The following EXOC4 variants were observed in gnomAD, a reference collection of about 807,000 sequenced individuals.
EXOC4 encodes exocyst complex component 4, also known as SEC8-like 1.
Under a neutral mutation model 107.2 loss-of-function variants are expected in EXOC4, and 71 were observed. The observed-to-expected ratio is 0.66, with a 90% confidence interval of 0.55 to 0.81. The LOEUF (loss-of-function observed/expected upper bound fraction) is 0.81. Among genes scored for constraint, EXOC4 ranks in the 30% least tolerant of loss-of-function variants. The pLI is 0.00. For missense variants in EXOC4, 1,108 were observed against 1,189.6 expected (o/e 0.93, Z 1.01); for synonymous variants, 456 against 441.2 (o/e 1.03, Z -0.42).
At chr7:133,770,580 C>T (rs891872814) in intron 10 of EXOC4, among the ~76,000 whole-genome samples, 1 of 151,914 alleles carries the variant, frequency 6.6e-6, no homozygotes, top group Non-Finnish European at 1.5e-5. Context: ...GTAAGCCAGA[C>T]ATTGTATCAG....
At chr7:134,092,790 G>T in the EXOC4 span, among the ~76,000 whole-genome samples, 1 of 151,950 alleles carries the variant, frequency 6.6e-6, no homozygotes, top group East Asian at 1.9e-4. Flanking sequence ...AGGTGTGGTG[G>T]TACAAGCCTG....
intron 8 of EXOC4, among the ~76,000 whole-genome samples, chr7:133,475,794 T>C (rs1275971219): frequency 6.6e-6 from 1 of 152,150 alleles, no homozygotes; most frequent in Non-Finnish European, 1.5e-5. Flanking sequence ...AAATGAAATA[T>C]ATTAGCCTTG....
At chr7:133,832,020 T>C (rs1797821464) in intron 11 of EXOC4, among the ~76,000 whole-genome samples, 1 of 152,214 alleles carries the variant, frequency 6.6e-6, no homozygotes, top group Admixed American at 6.5e-5. Flanking sequence ...ACATGGAGTC[T>C]AGTATACATG....
chr7:133,397,209 A>G (rs1474015818), intron 7 of EXOC4, among the ~76,000 whole-genome samples: 1 of 150,458 alleles, frequency 6.6e-6, no homozygotes, highest in African/African-American at 2.5e-5. Context: ...GGCTCACCGC[A>G]ACTTCCACCT....
intron 14 of EXOC4, among the ~76,000 whole-genome samples, chr7:133,962,617 A>G (rs995620290): frequency 6.6e-6 from 1 of 152,194 alleles, no homozygotes; most frequent in African/African-American, 2.4e-5. Flanking sequence ...TTTATATACT[A>G]TCTAAATCTT....
chr7:133,491,616 A>T (rs1422826395), intron 9 of EXOC4, among the ~76,000 whole-genome samples: 1 of 152,170 alleles, frequency 6.6e-6, no homozygotes, highest in Non-Finnish European at 1.5e-5. Context: ...TACAGTCAAC[A>T]TTTCTAGGCC....
chr7:133,938,928 G>A (rs531788874), intron 14 of EXOC4, among the ~76,000 whole-genome samples: 13 of 152,132 alleles, frequency 8.5e-5, no homozygotes, highest in South Asian at 4.2e-4. Context: ...TCAGCCTCCC[G>A]AGTAGCTGGG....
intron 17 of EXOC4, among the ~76,000 whole-genome samples, chr7:134,063,934 A>C (rs1191556991): frequency 6.6e-6 from 1 of 152,208 alleles, no homozygotes; most frequent in Non-Finnish European, 1.5e-5. Flanking sequence ...GAATGAGACA[A>C]AACCTGTTAA....
At chr7:133,523,900 A>T (rs1800028786) in intron 9 of EXOC4, among the ~76,000 whole-genome samples, 2 of 151,840 alleles carry the variant, frequency 1.3e-5, no homozygotes. Flanking sequence ...GCCGCAATAA[A>T]CATACGTGTG....
At chr7:133,373,680 T>A (rs1315976931) in intron 6 of EXOC4, among the ~76,000 whole-genome samples, 1 of 152,226 alleles carries the variant, frequency 6.6e-6, no homozygotes, top group African/African-American at 2.4e-5. Context: ...CTTTCCAAGT[T>A]GGTTTATCAG....
chr7:133,621,137 C>G (rs1160732295), intron 9 of EXOC4, among the ~76,000 whole-genome samples: 1 of 152,236 alleles, frequency 6.6e-6, no homozygotes, highest in African/African-American at 2.4e-5. Context: ...ACACATTTTA[C>G]TGATGGCTCA....
chr7:133,993,283 A>G (rs913348515), intron 14 of EXOC4, among the ~76,000 whole-genome samples: 2 of 152,122 alleles, frequency 1.3e-5, no homozygotes, highest in African/African-American at 4.8e-5. Context: ...CTGTCAAATG[A>G]TGAGTTGTAG....
chr7:133,786,985 A>C lies in EXOC4; in HGVS notation c.1515-30340A>C, dbSNP rs114948470. Among the ~76,000 whole-genome samples, 881 of 152,360 alleles carry C rather than the reference A, an allele frequency of 5.8e-3. 9 individuals carry two copies. The highest frequency in any genetic ancestry group is 0.02 in the African/African-American group (842 of 41,578). On this transcript the variant is annotated intron_variant, in intron 10 of 17. Transcript: ENST00000253861. ...ACTTCAGTTATCAATATAAGATATA[A>C]ACAGAGAAGTAGTTGCAACTATTCT...
At chr7:133,692,402 T>A (rs1409914128) in intron 10 of EXOC4, among the ~76,000 whole-genome samples, 6 of 152,184 alleles carry the variant, frequency 3.9e-5, no homozygotes, top group Non-Finnish European at 8.8e-5. Flanking sequence ...ATTATTTGTG[T>A]CTCCCCTAAC....
intron 14 of EXOC4, among the ~76,000 whole-genome samples, chr7:133,943,651 T>C (rs573162156): frequency 6.6e-6 from 1 of 152,298 alleles, no homozygotes; most frequent in East Asian, 1.9e-4. Context: ...CCCGGCACCA[T>C]CAGGCTCAGG....
At chr7:133,691,410 A>G (rs140036392) in intron 10 of EXOC4, among the ~76,000 whole-genome samples, 4 of 152,344 alleles carry the variant, frequency 2.6e-5, no homozygotes, top group South Asian at 4.1e-4. Flanking sequence ...GATAGCTTCT[A>G]GAGATTCTCT....
intron 10 of EXOC4, among the ~76,000 whole-genome samples, chr7:133,633,190 T>C (rs1286474865): frequency 1.3e-5 from 2 of 152,140 alleles, no homozygotes; most frequent in African/African-American, 4.8e-5. Flanking sequence ...CATGGATCAG[T>C]GGGATGTCCT....
chr7:133,810,379 A>T (rs540645638), intron 10 of EXOC4, among the ~76,000 whole-genome samples: 1 of 152,284 alleles, frequency 6.6e-6, no homozygotes, highest in African/African-American at 2.4e-5. Context: ...AATCAAATCA[A>T]GATTAAAATT....
chr7:133,487,506 C>T (rs761309066), intron 9 of EXOC4, among the ~76,000 whole-genome samples: 4 of 152,110 alleles, frequency 2.6e-5, no homozygotes, highest in African/African-American at 7.2e-5. Context: ...GTCAGTAGTT[C>T]GTGACCAGCC....
Sources: allele counts gnomAD v4.1 joint callset (sites outside exome capture counted in the v4.1 genomes callset), GRCh38; gene constraint gnomAD v4.1.1; transcripts MANE v1.5; gene names NCBI Gene and HGNC (gene_info 2026-07-23, HGNC 2026-07-21).